DPP10: variants seen among roughly 807,000 people sequenced by gnomAD.
The protein encoded by DPP10 is dipeptidyl peptidase like 10.
DPP10 carries 33 observed loss-of-function variants against 120.9 expected under a neutral mutation model. The ratio of observed to expected loss-of-function variants is 0.27; its 90% confidence interval spans 0.21 to 0.37. The LOEUF (loss-of-function observed/expected upper bound fraction) is 0.37. Ranked by LOEUF, DPP10 falls within the 10% of genes least tolerant of loss-of-function variation. DPP10 has a pLI of 1.00. For synonymous variants in DPP10, 337 were observed against 326.1 expected, an observed-to-expected ratio of 1.03 and a Z score of -0.36; for missense variants, 816 against 942.8, an observed-to-expected ratio of 0.87 and a Z score of 1.76.
At chr2:115,598,777 T>A (rs945316686) in intron 5 of DPP10, among the ~76,000 whole-genome samples, 1 of 150,668 alleles carries the variant, frequency 6.6e-6, no homozygotes, top group African/African-American at 2.4e-5. Context: ...GCTTTTCATC[T>A]GGTATAATTT....
chr2:115,586,565 A>G (rs977358562), intron 5 of DPP10, among the ~76,000 whole-genome samples: 1 of 152,182 alleles, frequency 6.6e-6, no homozygotes, highest in Non-Finnish European at 1.5e-5. Flanking sequence ...CATTCCCAAC[A>G]GTAATGGAAG....
At chr2:115,405,145 A>T (rs75476741) in intron 3 of DPP10, among the ~76,000 whole-genome samples, 3,254 of 152,312 alleles carry the variant, frequency 0.021, 116 homozygotes, top group African/African-American at 0.075. Context: ...CCTTCCAGCT[A>T]TAAGCCTGTA....
At chr2:115,408,866 A>C (rs2068726361) in intron 3 of DPP10, among the ~76,000 whole-genome samples, 1 of 152,120 alleles carries the variant, frequency 6.6e-6, no homozygotes, top group Non-Finnish European at 1.5e-5. Context: ...AACATAAAAA[A>C]TTTAATGTTA....
intron 3 of DPP10, among the ~76,000 whole-genome samples, chr2:115,488,716 T>C (rs533423689): frequency 8.1e-6 from 1 of 123,334 alleles, no homozygotes; most frequent in East Asian, 2.5e-4. Flanking sequence ...AATATCACAC[T>C]CCTGGGACTG....
intron 1 of DPP10, among the ~76,000 whole-genome samples, chr2:115,240,323 T>A (rs1220332446): frequency 6.6e-6 from 1 of 152,208 alleles, no homozygotes; most frequent in East Asian, 1.9e-4. Context: ...TATCTCATTG[T>A]GGTTTTGATT....
chr2:115,183,611 T>A (rs370046187), intron 1 of DPP10, among the ~76,000 whole-genome samples: 37 of 152,328 alleles, frequency 2.4e-4, no homozygotes, highest in African/African-American at 8.9e-4. Context: ...GAGGGTTCCA[T>A]GGCAATCTTT....
intron 1 of DPP10, among the ~76,000 whole-genome samples, chr2:114,897,996 G>A (rs1171042258): frequency 6.6e-6 from 1 of 152,178 alleles, no homozygotes; most frequent in African/African-American, 2.4e-5. Context: ...TTCCGTTACT[G>A]GGTGTATACC....
intron 1 of DPP10, among the ~76,000 whole-genome samples, chr2:114,634,916 A>G (rs930877878): frequency 6.6e-6 from 1 of 151,950 alleles, no homozygotes; most frequent in African/African-American, 2.4e-5. Context: ...AACTTGAACA[A>G]AAAGCAAACA....
At chr2:114,664,484 C>A (rs1374566646) in intron 1 of DPP10, among the ~76,000 whole-genome samples, 4 of 151,792 alleles carry the variant, frequency 2.6e-5, no homozygotes, top group African/African-American at 9.7e-5. Flanking sequence ...CAAAACTTAG[C>A]CGGGTGTGGT....
intron 1 of DPP10, among the ~76,000 whole-genome samples, chr2:115,213,063 C>T (rs1001873648): frequency 6.6e-6 from 1 of 151,974 alleles, no homozygotes; most frequent in African/African-American, 2.4e-5. Context: ...AAATATAACC[C>T]TGGTAAGGGC....
At chr2:114,587,196 G>C (rs563177071) in intron 1 of DPP10, among the ~76,000 whole-genome samples, 6 of 151,818 alleles carry the variant, frequency 4.0e-5, no homozygotes, top group Middle Eastern at 3.2e-3. Context: ...AGCTACTTGG[G>C]AGGCTGAGGC....
At chr2:115,485,072 A>C (rs559495376) in intron 3 of DPP10, among the ~76,000 whole-genome samples, 1 of 152,250 alleles carries the variant, frequency 6.6e-6, no homozygotes, top group African/African-American at 2.4e-5. Context: ...TCCATCTCAA[A>C]AACAAACAAA....
intron 1 of DPP10, among the ~76,000 whole-genome samples, chr2:114,880,768 T>C (rs1691536116): frequency 1.3e-5 from 2 of 152,118 alleles, no homozygotes; most frequent in South Asian, 2.1e-4. Flanking sequence ...AAACATTTAA[T>C]TACAAAAGTA....
intron 5 of DPP10, among the ~76,000 whole-genome samples, chr2:115,572,801 T>C (rs1352438559): frequency 6.6e-6 from 1 of 152,144 alleles, no homozygotes; most frequent in African/African-American, 2.4e-5. Context: ...AACATTATTA[T>C]TTTTTTAACA....
intron 1 of DPP10, among the ~76,000 whole-genome samples, chr2:115,102,398 TG>T (rs1333961197): frequency 6.0e-5 from 5 of 82,886 alleles, no homozygotes; most frequent in Non-Finnish European, 1.1e-4. Context: ...AGGGGTTTTT[TG>T]TTTGTTTGTT....
chr2:115,613,836 G>T (rs555419319), intron 5 of DPP10, among the ~76,000 whole-genome samples: 170 of 152,276 alleles, frequency 1.1e-3, no homozygotes, highest in Non-Finnish European at 2.0e-3. Flanking sequence ...GGAAGAAAAG[G>T]TACAATAAAG....
intron 7 of DPP10, among the ~76,000 whole-genome samples, chr2:115,704,037 A>G (rs1195134314): frequency 6.6e-6 from 1 of 151,936 alleles, no homozygotes; most frequent in Non-Finnish European, 1.5e-5. Flanking sequence ...ACAGACTCCC[A>G]CAAGGTTATA....
At chr2:115,836,628 G>A (rs375428591) in intron 23 of DPP10, 46 bp from the exon 24 acceptor site, 3 of 1,608,970 alleles carry the variant, frequency 1.9e-6, no homozygotes, top group Non-Finnish European at 2.5e-6. Context: ...TAGTTAAATG[G>A]CTTATTTAGA....
intron 5 of DPP10, among the ~76,000 whole-genome samples, chr2:115,537,225 T>C (rs1271131177): frequency 6.6e-6 from 1 of 152,094 alleles, no homozygotes; most frequent in African/African-American, 2.4e-5. Context: ...GATTATGGAC[T>C]CTTCTTTAGT....
Sources: allele counts gnomAD v4.1 joint callset (sites outside exome capture counted in the v4.1 genomes callset), GRCh38; gene constraint gnomAD v4.1.1; transcripts MANE v1.5; gene names NCBI Gene and HGNC (gene_info 2026-07-23, HGNC 2026-07-21).